APOOL: variants seen among roughly 807,000 people sequenced by gnomAD.
The protein encoded by APOOL is MICOS complex subunit MIC27.
In APOOL, 12 loss-of-function variants were observed where a neutral mutation model predicts 23.1. The observed-to-expected ratio is 0.52, with a 90% confidence interval of 0.33 to 0.84. The LOEUF (loss-of-function observed/expected upper bound fraction) is 0.84, where lower values mean the gene tolerates loss of function less well. Among genes scored for constraint, APOOL ranks in the 40% least tolerant of loss-of-function variants. The pLI, the probability that APOOL is intolerant of heterozygous loss-of-function variation, is 0.02. For synonymous variants in APOOL, 77 were observed against 69.9 expected (o/e 1.10, Z -0.51); for missense variants, 212 against 199.6 (o/e 1.06, Z -0.37).
intron 1 of APOOL, among the ~76,000 whole-genome samples, chrX:85,020,298 C>T (rs764274998): frequency 1.8e-5 from 2 of 111,580 alleles, no homozygotes; most frequent in Non-Finnish European, 3.8e-5. Context: ...GAGTGTAGCA[C>T]AGAATTATGA....
At chrX:85,041,473 C>T (rs774450751) in intron 1 of APOOL, among the ~76,000 whole-genome samples, 1 of 111,502 alleles carries the variant, frequency 9.0e-6, no homozygotes, top group South Asian at 3.8e-4. Flanking sequence ...GATCCCAGGC[C>T]AGTGGGCTTT....
chrX:85,044,053 A>G (rs946887758), intron 1 of APOOL, among the ~76,000 whole-genome samples: 1 of 111,671 alleles, frequency 9.0e-6, no homozygotes, highest in Non-Finnish European at 1.9e-5. Flanking sequence ...CTTGTTTTAT[A>G]TCTGTGCTCT....
intron 1 of APOOL, among the ~76,000 whole-genome samples, chrX:85,038,018 AATC>A (rs1405885699): frequency 8.9e-6 from 1 of 112,148 alleles, no homozygotes; most frequent in Non-Finnish European, 1.9e-5. Context: ...CAGCAAAAGA[AATC>A]ATCAGCAGAC....
At chrX:85,006,884 C>T (rs1332930101) in intron 1 of APOOL, among the ~76,000 whole-genome samples, 1 of 111,744 alleles carries the variant, frequency 8.9e-6, no homozygotes, top group East Asian at 2.8e-4. Flanking sequence ...GGTATGAGTC[C>T]TGAACCTGGA....
chrX:85,066,348 G>A (rs1228233782), intron 5 of APOOL, among the ~76,000 whole-genome samples: 2 of 111,377 alleles, frequency 1.8e-5, no homozygotes, highest in Non-Finnish European at 3.8e-5. Context: ...TTAGTTTCAT[G>A]GAAGTGTTTA....
intron 8 of APOOL, among the ~76,000 whole-genome samples, chrX:85,079,643 T>C (rs1048484281): frequency 8.9e-6 from 1 of 111,845 alleles, no homozygotes; most frequent in African/African-American, 3.3e-5. Flanking sequence ...TTCTATTGAT[T>C]GGAATAGTTT....
At chrX:85,067,037 C>A in intron 5 of APOOL, 90 bp from the exon 6 acceptor site, 1 of 554,077 alleles carries the variant, frequency 1.8e-6, no homozygotes, top group Admixed American at 3.3e-5. Context: ...TGATGGCTTA[C>A]CAGGAGAGCA....
intron 3 of APOOL, 141 bp downstream of exon 3, chrX:85,051,649 C>G: frequency 1.1e-6 from 1 of 871,939 alleles, no homozygotes; most frequent in Non-Finnish European, 1.6e-6. Context: ...TTTTGTAAGT[C>G]ATGAATTTGA....
intron 6 of APOOL, among the ~76,000 whole-genome samples, chrX:85,072,223 T>A (rs1704016095): frequency 8.9e-6 from 1 of 112,434 alleles, no homozygotes; most frequent in African/African-American, 3.2e-5. Context: ...TGGCCTAATA[T>A]ATGTAAGATA....
intron 8 of APOOL, among the ~76,000 whole-genome samples, chrX:85,077,480 G>A (rs1348258910): frequency 9.0e-6 from 1 of 110,887 alleles, no homozygotes; most frequent in Non-Finnish European, 1.9e-5. Flanking sequence ...GTGTATATGT[G>A]CCACATTTTC....
At chrX:85,029,477 CT>C (rs983011924) in intron 1 of APOOL, among the ~76,000 whole-genome samples, 2 of 111,178 alleles carry the variant, frequency 1.8e-5, no homozygotes, top group Non-Finnish European at 3.8e-5. Context: ...TAGAAGAATT[CT>C]TTTTTTTCCC....
intron 1 of APOOL, among the ~76,000 whole-genome samples, chrX:85,034,429 C>T (rs1922143626): frequency 9.2e-6 from 1 of 109,037 alleles, no homozygotes; most frequent in Admixed American, 9.8e-5. Context: ...TAATAGGCTT[C>T]ATAATTAAAT....
At chrX:85,005,651 A>G (rs1921052922) in intron 1 of APOOL, among the ~76,000 whole-genome samples, 1 of 111,574 alleles carries the variant, frequency 9.0e-6, no homozygotes, top group African/African-American at 3.3e-5. Context: ...TCTGATGTAT[A>G]TTAGGTAGTC....
chrX:85,082,173 C>T (rs533971330), intron 8 of APOOL, among the ~76,000 whole-genome samples: 6 of 111,946 alleles, frequency 5.4e-5, no homozygotes, highest in African/African-American at 1.9e-4. Flanking sequence ...AAGAGGTGCT[C>T]TGGTTTTTAG....
At position 85,093,259 on chromosome X, in the gene APOOL, A is replaced by G; in HGVS notation, c.*5581A>G. ...TAGACAATGCAAAGTGAAAACTGCAAATTTCACTTAACTTGTTATTTGCTT... is the reference window on the plus strand; with the variant it reads ...TAGACAATGCAAAGTGAAAACTGCAGATTTCACTTAACTTGTTATTTGCTT... On this transcript the variant is annotated 3_prime_UTR_variant, in exon 9 of 9. Transcript: ENST00000373173. 2 of 1,127,799 alleles carry G rather than the reference A, an allele frequency of 1.8e-6. No individual in the cohort carries two copies. The highest frequency in any genetic ancestry group is 2.0e-5 in the South Asian group (1 of 49,671). The allele number at this position is 1,127,799 out of a possible 1,213,427, so 92.9% of individuals were successfully genotyped here.
In APOOL at chrX:85,074,213, A is replaced by G. The variant is rs755034645; in HGVS notation, c.601-61A>G. ...ACAGAGGTCGAGGATAAAATGAGAA[A>G]GTAGATGAAGGAAATAGTAAAATGA... is the stretch of plus-strand genomic sequence containing the variant. On this transcript the variant is annotated intron_variant, in intron 7 of 8. Transcript: ENST00000373173. The G allele has an allele frequency of 4.1e-5, 49 of 1,185,941 alleles. No homozygotes were observed. In the South Asian group the frequency reaches 9.0e-4, roughly 22 times the overall value.
intron 5 of APOOL, among the ~76,000 whole-genome samples, chrX:85,058,455 T>G (rs189815235): frequency 2.7e-5 from 3 of 112,001 alleles, no homozygotes; most frequent in African/African-American, 9.7e-5. Flanking sequence ...GTACCACATT[T>G]TCTTTATCCA....
intron 1 of APOOL, among the ~76,000 whole-genome samples, chrX:85,021,307 G>A (rs1343240224): frequency 9.0e-6 from 1 of 110,943 alleles, no homozygotes; most frequent in Non-Finnish European, 1.9e-5. Flanking sequence ...CACCTATATA[G>A]TCAGCCTCCA....
chrX:85,093,057 G>T lies in APOOL; in HGVS notation c.*5379G>T. 1 of 589,210 alleles carries T rather than the reference G, an allele frequency of 1.7e-6. No homozygotes were observed. The allele number at this position is 589,210 out of a possible 1,213,427, so 48.6% of individuals were successfully genotyped here. A position where few individuals can be genotyped will look rare whatever the true frequency, so the allele number is the denominator to read the frequency against. On this transcript the variant is annotated 3_prime_UTR_variant, in exon 9 of 9. Transcript: ENST00000373173. ...TGATTTGAAAATCCAGTTTAATTTG[G>T]GTAGAAATTTGAAGTATATGTTGGG...
Sources: gnomAD v4.1 joint callset for allele counts (sites outside exome capture counted in the v4.1 genomes callset) on GRCh38, gnomAD v4.1.1 for gene constraint, MANE v1.5 for transcripts, NCBI Gene and HGNC (gene_info 2026-07-23, HGNC 2026-07-21) for gene names.